The following ZNF678 variants were observed in gnomAD, a reference collection of about 807,000 sequenced individuals.
ZNF678 encodes zinc finger protein 678, also known as hypothetical protein MGC42493.
In ZNF678, 5 loss-of-function variants were observed where a neutral mutation model predicts 3.0. The ratio of observed to expected loss-of-function variants is 1.69; its 90% CI spans 0.88 to 3.56. The LOEUF (loss-of-function observed/expected upper bound fraction) is 3.56, where lower values mean the gene tolerates loss of function less well. Among genes scored for constraint, ZNF678 ranks in the 30% most tolerant of loss-of-function variants. ZNF678 has a pLI of 0.00. For synonymous variants in ZNF678, 218 were observed against 199.6 expected (o/e 1.09, Z -0.78); for missense variants, 593 against 605.0 (o/e 0.98, Z 0.21).
At position 227,654,823 on chromosome 1, in the gene ZNF678, T is replaced by C. The variant is rs768394148; in HGVS notation, c.573T>C (p.Asn191=). The change falls in exon 4 of 4, where the codon AAT becomes AAC. Residue 191 remains asparagine (N), a synonymous_variant. Transcript: ENST00000343776. ...GTGATGAATGTGACAAAGTTTTTAA[T>C]TGGTGGTCACAACTAACTAGCCATA... ...YKCDECDKVF[N]WWSQLTSHKK... is the part of the protein sequence containing the mutation. 3 of 1,608,178 alleles carry C rather than the reference T, an allele frequency of 1.9e-6. No individual in the cohort carries two copies. Among genetic ancestry groups the C allele is most frequent in the South Asian group, 2.2e-5 (2 of 90,864 alleles).
Position 227,563,565 on chromosome 1 carries a change from G to C in ZNF678, c.-323G>C, listed in dbSNP as rs117098396. ...CGGGATCTGGCGGGGCCTTTGTCTT[G>C]TGCTCCAGCTGGAGCTTTGGTCCCG... On this transcript the variant is annotated 5_prime_UTR_variant, in exon 1 of 4. Coordinates refer to ENST00000343776, the MANE Select transcript of ZNF678 (RefSeq NM_001367909.1). 3.3e-3 allele frequency: 2,452 copies of C among 733,500 alleles called. 102 individuals carry two copies. The East Asian group carries it at 0.11, about 32-fold the overall frequency. The allele number at this position is 733,500 out of a possible 1,614,324, so 45.4% of individuals were successfully genotyped here. A position where few individuals can be genotyped will look rare whatever the true frequency, so the allele number is the denominator to read the frequency against.
chr1:227,618,508 A>T (rs775314158), intron 1 of ZNF678, among the ~76,000 whole-genome samples: 1 of 152,210 alleles, frequency 6.6e-6, no homozygotes, highest in Non-Finnish European at 1.5e-5. Flanking sequence ...CTGCAGGTCT[A>T]TGGAGAGGCT....
At chr1:227,587,435 CAG>C (rs1291629908) in intron 1 of ZNF678, among the ~76,000 whole-genome samples, 2 of 152,162 alleles carry the variant, frequency 1.3e-5, no homozygotes, top group Non-Finnish European at 2.9e-5. Context: ...TCTGTACTTT[CAG>C]AGTCTTTAGA....
intron 2 of ZNF678, among the ~76,000 whole-genome samples, chr1:227,647,929 G>A (rs1006495983): frequency 8.5e-5 from 13 of 152,112 alleles, no homozygotes; most frequent in African/African-American, 3.1e-4. Flanking sequence ...GAAATCCCAG[G>A]AACACCACAA....
chr1:227,569,854 G>C (rs1302976176), intron 1 of ZNF678, among the ~76,000 whole-genome samples: 1 of 152,080 alleles, frequency 6.6e-6, no homozygotes, highest in Non-Finnish European at 1.5e-5. Context: ...TCATAATATA[G>C]ACTTGCATTG....
chr1:227,564,630 C>T (rs1656621650), intron 1 of ZNF678, among the ~76,000 whole-genome samples: 1 of 152,234 alleles, frequency 6.6e-6, no homozygotes, highest in Admixed American at 6.5e-5. Flanking sequence ...ACACTGTCAG[C>T]TATTTGTCTT....
intron 1 of ZNF678, among the ~76,000 whole-genome samples, chr1:227,595,283 C>G (rs958200622): frequency 1.3e-5 from 2 of 151,752 alleles, no homozygotes; most frequent in African/African-American, 4.8e-5. Flanking sequence ...CTCTCTCTCT[C>G]TCTCTCAGCC....
At chr1:227,566,581 C>T (rs1057213440) in intron 1 of ZNF678, among the ~76,000 whole-genome samples, 2 of 152,194 alleles carry the variant, frequency 1.3e-5, no homozygotes, top group Non-Finnish European at 2.9e-5. Flanking sequence ...GATAGCCTGA[C>T]TTGACGCTTG....
At chr1:227,668,355 A>G (rs1659543331) in intron 5 of ZNF678, among the ~76,000 whole-genome samples, 1 of 152,238 alleles carries the variant, frequency 6.6e-6, no homozygotes, top group Admixed American at 6.5e-5. Flanking sequence ...TATTACATTT[A>G]TTAAAATGTC....
chr1:227,668,058 G>T (rs1659538374), intron 5 of ZNF678, among the ~76,000 whole-genome samples: 1 of 152,112 alleles, frequency 6.6e-6, no homozygotes, highest in Admixed American at 6.6e-5. Context: ...AGTTTCTGTT[G>T]CAGCTCTTGA....
At position 227,654,789 on chromosome 1, in the gene ZNF678, C is replaced by T; in HGVS notation, c.539C>T (p.Pro180Leu). ...AAGAAAATTCATACTGGAGAGAAAC[C>T]CTACAAATGTGATGAATGTGACAAA... is the stretch of plus-strand genomic sequence containing the variant. ...NHKKIHTGEK[P>L]YKCDECDKVF... Residue 180 changes from proline to leucine, a missense_variant, in exon 4 of 4, where the codon CCC becomes CTC. Pro to Leu is a moderately conservative substitution (Grantham distance 98). Coordinates refer to ENST00000343776, the MANE Select transcript of ZNF678 (RefSeq NM_001367909.1). 1 of 1,613,018 alleles carries T rather than the reference C, an allele frequency of 6.2e-7. No individual in the cohort carries two copies. Among genetic ancestry groups the T allele is most frequent in the Non-Finnish European group, 8.5e-7 (1 of 1,179,502 alleles).
intron 1 of ZNF678, among the ~76,000 whole-genome samples, chr1:227,599,330 C>T (rs887859603): frequency 2.0e-5 from 3 of 152,170 alleles, no homozygotes; most frequent in Non-Finnish European, 4.4e-5. Flanking sequence ...AGTGCACAGT[C>T]GCACGCTGAG....
At chr1:227,606,087 A>G (rs1426336916) in intron 1 of ZNF678, among the ~76,000 whole-genome samples, 1 of 152,212 alleles carries the variant, frequency 6.6e-6, no homozygotes, top group Admixed American at 6.5e-5. Flanking sequence ...CTGAGAAAAG[A>G]AATAAGACAC....
At chr1:227,637,236 G>A (rs953214753) in intron 1 of ZNF678, among the ~76,000 whole-genome samples, 17 of 152,344 alleles carry the variant, frequency 1.1e-4, no homozygotes, top group African/African-American at 3.1e-4. Flanking sequence ...CTTCAGGTAA[G>A]AGCATGGCTG....
At chr1:227,663,035 G>T (rs891730392), downstream of ZNF678, among the ~76,000 whole-genome samples, 2 of 152,062 alleles carry the variant, frequency 1.3e-5, no homozygotes, top group Admixed American at 6.5e-5. Flanking sequence ...AATATGACTG[G>T]GGTCTTTATA....
chr1:227,612,010 C>T (rs1658033272), intron 1 of ZNF678, among the ~76,000 whole-genome samples: 2 of 152,126 alleles, frequency 1.3e-5, no homozygotes, highest in African/African-American at 4.8e-5. Context: ...CTCCAGCATG[C>T]CAGAAGATGA....
At position 227,655,543 on chromosome 1, in the gene ZNF678, A is replaced by G. The variant is rs766033219; in HGVS notation, c.1293A>G (p.Lys431=). ...ATAAGAGAATTCATACTGGAGAGAA[A>G]CCCTACAAATGTAAAGAATGTGGCA... The part of the protein sequence containing the change: ...TSHKRIHTGE[K]PYKCKECGKA... Residue 431 remains lysine, a synonymous_variant, in exon 4 of 4, where the codon AAA becomes AAG. Transcript: ENST00000343776. 3 of 1,612,724 alleles carry G rather than the reference A, an allele frequency of 1.9e-6. No homozygotes were observed. The highest frequency in any genetic ancestry group is 2.5e-6 in the Non-Finnish European group (3 of 1,179,396).
chr1:227,655,842 A>T lies in ZNF678; in HGVS notation c.*14A>T, dbSNP rs760119392. 7 of 1,542,650 alleles carry T rather than the reference A, an allele frequency of 4.5e-6. No homozygotes were observed. In the South Asian group the frequency reaches 5.2e-5, roughly 12 times the overall value. On this transcript the variant is annotated 3_prime_UTR_variant, in exon 4 of 4. Coordinates refer to ENST00000343776, the MANE Select transcript of ZNF678 (RefSeq NM_001367909.1). The stretch of plus-strand genomic sequence containing the variant: ...GGCAGTCTTTAAAAACTGCTTCATT[A>T]TACATGGCTTCACTAATTTCATACT...
At chr1:227,598,994 T>C in intron 1 of ZNF678, 2 of 1,300,392 alleles carry the variant, frequency 1.5e-6, no homozygotes, top group Non-Finnish European at 2.2e-6. Flanking sequence ...CCTTGGAGCC[T>C]TTCTTTTCTC....
Sources: gnomAD v4.1 joint callset for allele counts (sites outside exome capture counted in the v4.1 genomes callset) on GRCh38, gnomAD v4.1.1 for gene constraint, MANE v1.5 for transcripts, NCBI Gene and HGNC (gene_info 2026-07-23, HGNC 2026-07-21) for gene names.